PPP6C: variants seen among roughly 807,000 people sequenced by gnomAD.
PPP6C encodes the protein protein phosphatase 6 catalytic subunit.
PPP6C carries 11 observed loss-of-function variants against 39.8 expected under a neutral mutation model. The ratio of observed to expected loss-of-function variants is 0.28; its 90% CI spans 0.17 to 0.46. The LOEUF is 0.46. Ranked by LOEUF, PPP6C falls within the 20% of genes least tolerant of loss-of-function variation. The pLI, the probability that PPP6C is intolerant of heterozygous loss-of-function variation, is 1.00. For synonymous variants in PPP6C, 129 were observed against 130.3 expected (o/e 0.99, Z 0.07); for missense variants, 211 against 373.9 (o/e 0.56, Z 3.59).
rs1835867827 is a variant in PPP6C at position 125,148,826 on chromosome 9, G to C, written c.*847C>G. On this transcript the variant is annotated 3_prime_UTR_variant, in exon 7 of 7. Coordinates refer to ENST00000373547, the MANE Select transcript of PPP6C (RefSeq NM_002721.5). ...ACCAAAACATTAATATGGCAGTTAT[G>C]TTCTTTAGGCACAGTTTAGTGATTT... 6.6e-6 allele frequency: 1 copy of C among 152,050 alleles called. No homozygotes were observed. Among genetic ancestry groups the C allele is most frequent in the Non-Finnish European group, 1.5e-5 (1 of 68,000 alleles). The allele number at this position is 152,050 out of a possible 1,614,324, so 9.4% of individuals were successfully genotyped here.
intron 3 of PPP6C, among the ~76,000 whole-genome samples, chr9:125,159,039 T>G (rs1459883753): frequency 6.7e-6 from 1 of 148,642 alleles, no homozygotes; most frequent in Non-Finnish European, 1.5e-5. Flanking sequence ...TTTTTAAGTT[T>G]TTTTTTTTTT....
At chr9:125,155,549 A>T (rs1311810824) in intron 4 of PPP6C, among the ~76,000 whole-genome samples, 1 of 152,200 alleles carries the variant, frequency 6.6e-6, no homozygotes, top group Non-Finnish European at 1.5e-5. Flanking sequence ...TCATATAGGG[A>T]TATTTTATTC....
chr9:125,154,091 T>C (rs1021333021), intron 4 of PPP6C, 106 bp from the exon 5 acceptor site: 1 of 849,806 alleles, frequency 1.2e-6, no homozygotes, highest in Non-Finnish European at 1.9e-6. Flanking sequence ...CAGCTTAAAC[T>C]AGGATAGCAA....
chr9:125,154,628 G>C (rs1182305396), intron 4 of PPP6C, among the ~76,000 whole-genome samples: 1 of 152,200 alleles, frequency 6.6e-6, no homozygotes, highest in Non-Finnish European at 1.5e-5. Flanking sequence ...TGTTTTAACA[G>C]TTATGTTAAT....
intron 6 of PPP6C, among the ~76,000 whole-genome samples, chr9:125,153,219 T>C (rs1029754442): frequency 4.6e-5 from 7 of 151,816 alleles, no homozygotes; most frequent in African/African-American, 1.7e-4. Flanking sequence ...GTTGTTGCAG[T>C]GAGCCAAGAT....
At chr9:125,164,709 C>G (rs542503926) in intron 2 of PPP6C, among the ~76,000 whole-genome samples, 1 of 152,130 alleles carries the variant, frequency 6.6e-6, no homozygotes, top group Non-Finnish European at 1.5e-5. Context: ...GTAGCTGGAA[C>G]TACATATATG....
chr9:125,147,669 AG>A lies in PPP6C; in HGVS notation c.*2003del, dbSNP rs1307099264. On this transcript the variant is annotated 3_prime_UTR_variant, in exon 7 of 7. Coordinates refer to ENST00000373547, the MANE Select transcript of PPP6C (RefSeq NM_002721.5). ...CAGTACACAATGACTTAAAAATAAA[AG>A]TCACATTATAGGGATAACAAAAACA... The A allele has an allele frequency of 6.6e-6, 1 of 152,194 alleles. No individual in the cohort carries two copies. Among genetic ancestry groups the A allele is most frequent in the African/African-American group, 2.4e-5 (1 of 41,452 alleles). The allele number at this position is 152,194 out of a possible 1,614,324, so 9.4% of individuals were successfully genotyped here.
chr9:125,150,633 G>A, intron 6 of PPP6C: 2 of 968,144 alleles, frequency 2.1e-6, no homozygotes, highest in Admixed American at 3.8e-5. Context: ...AGAGTGCTTA[G>A]GGTAGTTGGC....
Position 125,149,583 on chromosome 9 carries a change from G to A in PPP6C, c.*90C>T. 1 of 1,372,092 alleles carries A rather than the reference G, an allele frequency of 7.3e-7. No individual in the cohort carries two copies. The highest frequency in any genetic ancestry group is 9.8e-7 in the Non-Finnish European group (1 of 1,020,238). The allele number at this position is 1,372,092 out of a possible 1,614,324, so 85.0% of individuals were successfully genotyped here. The stretch of plus-strand genomic sequence containing the variant: ...AGAGGCAGCATTTCAGCAGCAAAGT[G>A]CTCAATAAAAAGTATATTGTAGAGG... On this transcript the variant is annotated 3_prime_UTR_variant, in exon 7 of 7. Coordinates refer to ENST00000373547, the MANE Select transcript of PPP6C (RefSeq NM_002721.5).
intron 6 of PPP6C, among the ~76,000 whole-genome samples, chr9:125,151,997 C>G (rs928860103): frequency 8.5e-5 from 13 of 152,090 alleles, no homozygotes; most frequent in Admixed American, 7.2e-4. Context: ...GCAGTTCTCC[C>G]CAAGGTCTAT....
At chr9:125,154,654 T>C (rs1477039912) in intron 4 of PPP6C, among the ~76,000 whole-genome samples, 1 of 152,234 alleles carries the variant, frequency 6.6e-6, no homozygotes, top group African/African-American at 2.4e-5. Context: ...GCAATTCTGG[T>C]AAGCAGATAA....
intron 4 of PPP6C, among the ~76,000 whole-genome samples, chr9:125,157,679 T>C (rs1836113192): frequency 7.7e-6 from 1 of 130,658 alleles, no homozygotes; most frequent in East Asian, 2.4e-4. Context: ...AGGCCCAGCA[T>C]TCTCCTTTTT....
chr9:125,159,827 T>C (rs1030136903), intron 3 of PPP6C, among the ~76,000 whole-genome samples: 2 of 152,122 alleles, frequency 1.3e-5, no homozygotes, highest in African/African-American at 4.8e-5. Flanking sequence ...ATCCAGACCA[T>C]CCTGGCCAAC....
At chr9:125,163,427 T>G (rs1027929680) in intron 2 of PPP6C, among the ~76,000 whole-genome samples, 5 of 152,112 alleles carry the variant, frequency 3.3e-5, no homozygotes, top group African/African-American at 4.8e-5. Flanking sequence ...ACAGATATGT[T>G]TTTTTGTTTT....
chr9:125,180,133 T>TC (rs1829391516), intron 1 of PPP6C, among the ~76,000 whole-genome samples: 1 of 151,988 alleles, frequency 6.6e-6, no homozygotes, highest in South Asian at 2.1e-4. Flanking sequence ...TAGCAGTCAC[T>TC]CCCCTCATCC....
intron 4 of PPP6C, among the ~76,000 whole-genome samples, chr9:125,156,651 ATC>A (rs1369652649): frequency 6.6e-6 from 1 of 151,722 alleles, no homozygotes; most frequent in Non-Finnish European, 1.5e-5. Flanking sequence ...ATGTTTCCAA[ATC>A]TCTCAATATC....
chr9:125,158,031 C>T (rs1270154627), intron 4 of PPP6C, among the ~76,000 whole-genome samples: 2 of 152,092 alleles, frequency 1.3e-5, no homozygotes, highest in Admixed American at 6.6e-5. Context: ...ATTCCAGCTA[C>T]ACTTTGAGGC....
intron 1 of PPP6C, among the ~76,000 whole-genome samples, chr9:125,171,558 GTTTTT>G (rs1269298038): frequency 9.3e-6 from 1 of 107,908 alleles, no homozygotes; most frequent in Admixed American, 1.0e-4. Flanking sequence ...GGGTTTTTTT[GTTTTT>G]TTTTTTTTTA....
At position 125,158,297 on chromosome 9, in the gene PPP6C, G is replaced by A. The variant is rs1460332981; in HGVS notation, c.323C>T (p.Thr108Ile). The change falls in exon 4 of 7, where the codon ACA becomes ATA. Residue 108 changes from threonine to isoleucine, a missense_variant. Physicochemically the swap from Thr to Ile is moderately conservative, Grantham distance 89. Around this residue, in one of 2 missense-constraint regions of PPP6C, gnomAD observed 168 missense variants for 342.6 expected, o/e 0.49. Coordinates refer to ENST00000373547, the MANE Select transcript of PPP6C (RefSeq NM_002721.5). ...ALKAKWPDRITLLRGNHESRQ... is the reference protein window; with the variant it reads ...ALKAKWPDRIILLRGNHESRQ... ...ACTCTCATGATTTCCTCGCAAAAGT[G>A]TAATACGATCAGGCCATTTAGCCTT... is the stretch of plus-strand genomic sequence containing the variant. The A allele has an allele frequency of 1.9e-6, 3 of 1,611,612 alleles. No individual in the cohort carries two copies. Among genetic ancestry groups the A allele is most frequent in the Admixed American group, 1.7e-5 (1 of 59,992 alleles).
Sources: allele counts gnomAD v4.1 joint callset (sites outside exome capture counted in the v4.1 genomes callset), GRCh38; gene constraint gnomAD v4.1.1; regional missense constraint gnomAD v4.1.1; transcripts MANE v1.5; gene names NCBI Gene and HGNC (gene_info 2026-07-23, HGNC 2026-07-21).